The following TRPM6 variants were observed in gnomAD, a reference collection of about 807,000 sequenced individuals.
The protein encoded by TRPM6 is channel kinase 2.
In TRPM6, 111 loss-of-function variants were observed where a neutral mutation model predicts 247.6. The observed-to-expected ratio is 0.45, with a 90% CI of 0.38 to 0.52. TRPM6 has a LOEUF of 0.52. TRPM6 is among the 20% of genes least tolerant of loss of function. The pLI is 0.00. For synonymous variants in TRPM6, 892 were observed against 853.8 expected (o/e 1.04, Z -0.78); for missense variants, 2,126 against 2,421.5 (o/e 0.88, Z 2.56).
intron 36 of TRPM6, among the ~76,000 whole-genome samples, chr9:74,735,222 CAA>C (rs11346925): frequency 2.5e-5 from 3 of 121,566 alleles, no homozygotes; most frequent in African/African-American, 5.8e-5. Flanking sequence ...GACCTTGTCT[CAA>C]AAAAAAAAAC....
chr9:74,746,350 C>T (rs865840933), intron 31 of TRPM6, among the ~76,000 whole-genome samples: 1 of 152,110 alleles, frequency 6.6e-6, no homozygotes, highest in African/African-American at 2.4e-5. Flanking sequence ...AAATGGAAGA[C>T]AAGTATTCCA....
At chr9:74,856,235 C>T (rs1431507460) in intron 2 of TRPM6, among the ~76,000 whole-genome samples, 1 of 151,942 alleles carries the variant, frequency 6.6e-6, no homozygotes, top group African/African-American at 2.4e-5. Context: ...GTTCAGGAGT[C>T]CAAGACTAGC....
chr9:74,834,810 C>T (rs1407842763), intron 5 of TRPM6, among the ~76,000 whole-genome samples: 1 of 152,124 alleles, frequency 6.6e-6, no homozygotes, highest in Non-Finnish European at 1.5e-5. Flanking sequence ...TGTATATGTG[C>T]CACATTTTCT....
Position 74,740,009 on chromosome 9 carries a change from G to A in TRPM6, c.5201C>T (p.Ala1734Val). Residue 1734 changes from alanine to valine, a missense_variant and splice_region_variant, in exon 34 of 39, where the codon GCA becomes GTA. Transcript: ENST00000360774. ...TIPFTPVQLFAGEEITVYRLE... is the reference protein window; with the variant it reads ...TIPFTPVQLFVGEEITVYRLE... Reference sequence around the variant, plus strand: ...CCTGTAGACAGTTATTTCTTCTCCTGCTGCAAAGAGAAGTGAAGGCTAGGA... The same window carrying A: ...CCTGTAGACAGTTATTTCTTCTCCTACTGCAAAGAGAAGTGAAGGCTAGGA... 6.2e-7 allele frequency: 1 copy of A among 1,613,790 alleles called. No individual in the cohort carries two copies. The highest frequency in any genetic ancestry group is 8.5e-7 in the Non-Finnish European group (1 of 1,179,938).
Position 74,739,820 on chromosome 9 carries a change from G to A in TRPM6, c.5390C>T (p.Pro1797Leu), listed in dbSNP as rs772763308. 7.4e-6 allele frequency: 12 copies of A among 1,613,922 alleles called. No homozygotes were observed. Among genetic ancestry groups the A allele is most frequent in the African/African-American group, 4.0e-5 (3 of 74,882 alleles). ...STWSEDDILK[P>L]GQVFIVKSFL... is the part of the protein sequence containing the mutation. ...GGACTTGACAATGAAAACTTGTCCC[G>A]GCTTGAGAATGTCATCCTCAGACCA... The change falls in exon 34 of 39, where the codon CCG becomes CTG. Residue 1797 changes from proline to leucine, a missense_variant. This residue lies in a region of TRPM6 where 327 missense variants were observed against 397.7 expected (regional missense o/e 0.82). Coordinates refer to ENST00000360774, the MANE Select transcript of TRPM6 (RefSeq NM_017662.5).
At chr9:74,852,683 G>C (rs944941298) in intron 3 of TRPM6, among the ~76,000 whole-genome samples, 2 of 152,240 alleles carry the variant, frequency 1.3e-5, no homozygotes, top group Admixed American at 1.3e-4. Context: ...GGTGGAGACG[G>C]GGTTTCGCAG....
intron 37 of TRPM6, among the ~76,000 whole-genome samples, chr9:74,731,013 A>C (rs1055696817): frequency 6.6e-6 from 1 of 152,066 alleles, no homozygotes; most frequent in African/African-American, 2.4e-5. Context: ...AAAAATACAG[A>C]TATCAGGGCC....
chr9:74,850,613 G>A (rs543864427), intron 3 of TRPM6, among the ~76,000 whole-genome samples: 4 of 151,910 alleles, frequency 2.6e-5, no homozygotes, highest in African/African-American at 4.8e-5. Flanking sequence ...CCAGCTTCTC[G>A]GGAGGCTGAG....
chr9:74,847,630 T>C (rs1475314344), intron 3 of TRPM6, among the ~76,000 whole-genome samples: 2 of 152,040 alleles, frequency 1.3e-5, no homozygotes, highest in African/African-American at 4.8e-5. Flanking sequence ...TATAGTCATA[T>C]GTATAGTCAT....
rs145935828 is a variant in TRPM6, at chr9:74,796,709, GA to G, written c.2391+31del. On this transcript the variant is annotated intron_variant, in intron 18 of 38. Coordinates refer to ENST00000360774, the MANE Select transcript of TRPM6 (RefSeq NM_017662.5). ...TATATTTGCGTGCAGTCAATACAAT[GA>G]AAATTCAGTTCATTATGATTTTGCA... 562 of 1,611,624 alleles carry G rather than the reference GA, an allele frequency of 3.5e-4. 3 individuals are homozygous for G. The African/African-American group carries it at 6.9e-3, about 20-fold the overall frequency.
At chr9:74,747,151 G>A (rs973814016) in intron 31 of TRPM6, among the ~76,000 whole-genome samples, 1 of 152,194 alleles carries the variant, frequency 6.6e-6, no homozygotes, top group East Asian at 1.9e-4. Flanking sequence ...ACACCCCATG[G>A]GCTAAAGATC....
chr9:74,771,923 A>G, intron 24 of TRPM6, 88 bp from the exon 25 acceptor site: 2 of 1,229,924 alleles, frequency 1.6e-6, no homozygotes, highest in Non-Finnish European at 2.4e-6. Context: ...GAAAATGAGA[A>G]ACTATAGCCT....
chr9:74,792,665 CAT>C lies in TRPM6; in HGVS notation c.2495_2496del (p.Tyr832Ter), dbSNP rs1295065472. 1 of 1,614,158 alleles carries C rather than the reference CAT, an allele frequency of 6.2e-7. No individual in the cohort carries two copies. The highest frequency in any genetic ancestry group is 8.5e-7 in the Non-Finnish European group (1 of 1,180,018). On this transcript the variant is annotated frameshift_variant, in exon 19 of 39. Transcript: ENST00000360774. LOFTEE classifies it high-confidence loss of function. The part of the protein sequence containing the change: ...HQHLPWTRKV[Y>X]EFYSAPIVKF... ...TTGACAATTGGAGCACTGTAGAACT[CAT>C]AGACTTTCCTGGTCCACGGAAGGTG...
At position 74,763,143 on chromosome 9, in the gene TRPM6, G is replaced by A. The variant is rs1371033756; in HGVS notation, c.3537-9C>T. The A allele has an allele frequency of 6.2e-7, 1 of 1,606,176 alleles. No individual in the cohort carries two copies. The highest frequency in any genetic ancestry group is 8.5e-7 in the Non-Finnish European group (1 of 1,179,834). ...AGTACATCTCTGTAACCCTAGTGGTGAAGGAAGGGAGAAAACCAACAAGCA... is the reference window on the plus strand; with the variant it reads ...AGTACATCTCTGTAACCCTAGTGGTAAAGGAAGGGAGAAAACCAACAAGCA... On this transcript the variant is annotated splice_polypyrimidine_tract_variant and intron_variant, in intron 25 of 38. Transcript: ENST00000360774.
chr9:74,887,089 A>AC (rs1305655963), intron 1 of TRPM6: 14 of 457,452 alleles, frequency 3.1e-5, no homozygotes, highest in Non-Finnish European at 5.1e-5. Context: ...AGCCAGGAGC[A>AC]CCCTCCCTCT....
At chr9:74,807,492 C>A (rs1476759283) in intron 14 of TRPM6, among the ~76,000 whole-genome samples, 1 of 152,184 alleles carries the variant, frequency 6.6e-6, no homozygotes, top group Non-Finnish European at 1.5e-5. Flanking sequence ...TACTAACCAA[C>A]AACTCTAATT....
At chr9:74,834,240 T>C in intron 5 of TRPM6, 118 bp from the exon 6 acceptor site, 1 of 1,239,122 alleles carries the variant, frequency 8.1e-7, no homozygotes, top group South Asian at 1.2e-5. Flanking sequence ...TTAGGGAGAG[T>C]TGCTGGTACA....
intron 25 of TRPM6, among the ~76,000 whole-genome samples, chr9:74,763,807 C>T (rs933260934): frequency 2.6e-5 from 4 of 152,134 alleles, no homozygotes; most frequent in African/African-American, 9.7e-5. Context: ...AAAAGCAACA[C>T]AACACATGTT....
At chr9:74,806,013 T>TTC (rs1828514347) in intron 14 of TRPM6, among the ~76,000 whole-genome samples, 1 of 151,998 alleles carries the variant, frequency 6.6e-6, no homozygotes, top group Non-Finnish European at 1.5e-5. Context: ...ATTCATTTTT[T>TTC]ATGTATGATA....
Sources: gnomAD v4.1 joint callset for allele counts (sites outside exome capture counted in the v4.1 genomes callset) on GRCh38, gnomAD v4.1.1 for gene constraint, gnomAD v4.1.1 regional missense constraint, MANE v1.5 for transcripts, NCBI Gene and HGNC (gene_info 2026-07-23, HGNC 2026-07-21) for gene names.